Variants in ATP7A observed in about 807,000 individuals in gnomAD.
ATP7A encodes ATPase copper transporting alpha, also known as copper-transporting ATPase 1.
ATP7A carries 7 observed loss-of-function variants against 83.5 expected under a neutral mutation model. The ratio of observed to expected loss-of-function variants is 0.08; its 90% CI spans 0.05 to 0.16. ATP7A has a LOEUF of 0.16. Among genes scored for constraint, ATP7A ranks in the 10% least tolerant of loss-of-function variants. The pLI is 1.00. For missense variants in ATP7A, 940 were observed against 1,120.8 expected (o/e 0.84, Z 2.30); for synonymous variants, 354 against 395.2 (o/e 0.90, Z 1.24).
chrX:78,012,329 CA>C (rs2077832761), intron 9 of ATP7A, among the ~76,000 whole-genome samples: 1 of 111,575 alleles, frequency 9.0e-6, no homozygotes, highest in African/African-American at 3.3e-5. Flanking sequence ...TATTTACCAA[CA>C]AAAACGGCCA....
intron 1 of ATP7A, among the ~76,000 whole-genome samples, chrX:77,966,136 G>A (rs372485245): frequency 8.9e-6 from 1 of 112,110 alleles, no homozygotes; most frequent in African/African-American, 3.2e-5. Context: ...TTAAATGTGC[G>A]AATTATATAA....
At chrX:78,022,816 C>A (rs1472808350) in intron 14 of ATP7A, among the ~76,000 whole-genome samples, 4 of 110,786 alleles carry the variant, frequency 3.6e-5, no homozygotes, top group African/African-American at 1.3e-4. Context: ...CTGTGCCCGG[C>A]CCGTGGATAT....
At chrX:77,951,581 C>T (rs1342526258) in intron 1 of ATP7A, among the ~76,000 whole-genome samples, 20 of 109,043 alleles carry the variant, frequency 1.8e-4, no homozygotes, top group African/African-American at 6.3e-4. Context: ...CAGCACAAGA[C>T]CTTTTTTTTT....
chrX:78,033,308 A>G (rs1569550218), intron 16 of ATP7A, among the ~76,000 whole-genome samples: 1 of 112,072 alleles, frequency 8.9e-6, no homozygotes, highest in Non-Finnish European at 1.9e-5. Context: ...GGGTTTCACC[A>G]TTTTGGCCAG....
chrX:77,931,715 G>A (rs1240652626), intron 1 of ATP7A, among the ~76,000 whole-genome samples: 3 of 106,134 alleles, frequency 2.8e-5, no homozygotes, highest in Non-Finnish European at 3.9e-5. Context: ...CAGTAGGGGC[G>A]GCTGGGCAGA....
intron 1 of ATP7A, among the ~76,000 whole-genome samples, chrX:77,948,316 CGG>C (rs1335466227): frequency 9.2e-6 from 1 of 108,640 alleles, no homozygotes. Context: ...TTTTAGTAGA[CGG>C]GGTTTCACCG....
chrX:77,990,975 G>A (rs186307724), intron 4 of ATP7A, among the ~76,000 whole-genome samples: 1 of 111,845 alleles, frequency 8.9e-6, no homozygotes, highest in South Asian at 3.7e-4. Flanking sequence ...AGAGGACTTA[G>A]AGACATACCA....
chrX:78,010,302 G>A (rs1274160209), intron 7 of ATP7A, among the ~76,000 whole-genome samples: 6 of 111,840 alleles, frequency 5.4e-5, no homozygotes, highest in Middle Eastern at 4.2e-3. Flanking sequence ...ACTGGGATTT[G>A]AGCCTAATTA....
At chrX:77,932,231 C>T (rs1179002978) in intron 1 of ATP7A, among the ~76,000 whole-genome samples, 1 of 74,576 alleles carries the variant, frequency 1.3e-5, no homozygotes, top group Non-Finnish European at 2.6e-5. Context: ...CAGACGGGGT[C>T]GCGGCCGGGC....
intron 14 of ATP7A, among the ~76,000 whole-genome samples, chrX:78,022,770 G>A (rs782736367): frequency 1.5e-4 from 17 of 109,862 alleles, no homozygotes; most frequent in South Asian, 3.9e-4. Context: ...CACCTGCCTC[G>A]GCCTCCCAAA....
At chrX:78,015,725 T>C (rs368841799) in intron 11 of ATP7A, 29 bp from the exon 12 acceptor site, 3 of 1,208,284 alleles carry the variant, frequency 2.5e-6, no homozygotes, top group Non-Finnish European at 3.4e-6. Context: ...CATATTATCA[T>C]GGTGCTTTTT....
At position 77,936,323 on chromosome X, in the gene ATP7A, C is replaced by T. The variant is rs181776261; in HGVS notation, c.-22+25488C>T. Among the ~76,000 whole-genome samples, 917 of 112,214 alleles carry T rather than the reference C, an allele frequency of 8.2e-3. 13 individuals carry two copies. The highest frequency in any genetic ancestry group is 0.028 in the African/African-American group (879 of 30,937). On this transcript the variant is annotated intron_variant, in intron 1 of 22. Coordinates refer to ENST00000341514, the MANE Select transcript of ATP7A (RefSeq NM_000052.7). The stretch of plus-strand genomic sequence containing the variant: ...TTTTATCAGTGCCTGAAGTATTCTT[C>T]TGACAAATAGTGTGCATGAACTTAG...
intron 1 of ATP7A, among the ~76,000 whole-genome samples, chrX:77,938,744 T>A (rs782029317): frequency 2.0e-4 from 22 of 112,459 alleles, no homozygotes; most frequent in Non-Finnish European, 3.8e-4. Context: ...CAGCACAGAT[T>A]ATAAGAGTAC....
chrX:77,970,141 G>C, intron 1 of ATP7A, among the ~76,000 whole-genome samples: 1 of 110,676 alleles, frequency 9.0e-6, no homozygotes, highest in Non-Finnish European at 1.9e-5. Context: ...CTATTGGCGG[G>C]AGGCCTTAGG....
intron 1 of ATP7A, chrX:77,965,360 G>T (rs1436891644): frequency 9.4e-6 from 3 of 319,343 alleles, no homozygotes; most frequent in Non-Finnish European, 1.8e-5. Flanking sequence ...TGGGTAGAGT[G>T]CTTGAATAGA....
chrX:77,942,453 G>C (rs1479295982), intron 1 of ATP7A, among the ~76,000 whole-genome samples: 6 of 108,732 alleles, frequency 5.5e-5, no homozygotes, highest in East Asian at 2.9e-4. Flanking sequence ...TTTTTTGCGG[G>C]GGGGGTAGGG....
intron 1 of ATP7A, among the ~76,000 whole-genome samples, chrX:77,957,341 T>C (rs941236029): frequency 9.1e-6 from 1 of 110,035 alleles, no homozygotes; most frequent in East Asian, 2.9e-4. Context: ...TAACTCGTCA[T>C]TGGAAACAAT....
rs1395440908 is a variant in ATP7A at position 78,028,515 on chromosome X, T to C, written c.2917-735T>C. Reference sequence around the variant, plus strand: ...TACCTGGCTAATTTTTCACAAATTTTTTTTGTAGAGATGAGGTCTTACCAT... The same window carrying C: ...TACCTGGCTAATTTTTCACAAATTTCTTTTGTAGAGATGAGGTCTTACCAT... On this transcript the variant is annotated intron_variant, in intron 14 of 22. Transcript: ENST00000341514. 2.7e-5 allele frequency among the ~76,000 whole-genome samples: 3 copies of C among 111,871 alleles called. No individual in the cohort carries two copies. In the East Asian group the frequency reaches 8.4e-4, roughly 31 times the overall value.
intron 20 of ATP7A, among the ~76,000 whole-genome samples, chrX:78,043,004 C>G (rs2078059775): frequency 8.9e-6 from 1 of 112,082 alleles, no homozygotes; most frequent in Admixed American, 9.5e-5. Flanking sequence ...TTATAAGTTT[C>G]TGAAGTGAAG....
Sources: gnomAD v4.1 joint callset for allele counts (sites outside exome capture counted in the v4.1 genomes callset) on GRCh38, gnomAD v4.1.1 for gene constraint, MANE v1.5 for transcripts, NCBI Gene and HGNC (gene_info 2026-07-23, HGNC 2026-07-21) for gene names.